Variants in UBR4 observed in about 807,000 individuals in gnomAD.
UBR4 encodes ubiquitin protein ligase E3 component n-recognin 4.
In UBR4, 124 loss-of-function variants were observed where a neutral mutation model predicts 575.6. That is an observed-to-expected ratio of 0.22 (90% confidence interval 0.19 to 0.25). UBR4 has a LOEUF of 0.25. Among genes scored for constraint, UBR4 ranks in the 10% least tolerant of loss-of-function variants. The probability of loss-of-function intolerance (pLI) is 1.00; values close to 1 mark genes in which losing one functional copy is unlikely to be tolerated. For missense variants in UBR4, 4,818 were observed against 6,478.8 expected (o/e 0.74, Z 8.80); for synonymous variants, 2,455 against 2,473.7 (o/e 0.99, Z 0.22).
Position 19,122,847 on chromosome 1 carries a change from T to C in UBR4, c.9802A>G (p.Thr3268Ala). Residue 3268 changes from threonine to alanine, a missense_variant, in exon 66 of 106, where the codon ACA (threonine) becomes GCA (alanine). By Grantham distance (58) the Thr-to-Ala change is moderately conservative. This residue lies in a region of UBR4 where 550 missense variants were observed against 791.5 expected (regional missense o/e 0.69). Coordinates refer to ENST00000375254, the MANE Select transcript of UBR4 (RefSeq NM_020765.3). ...AGCCCTCGTACCAGGCTGATGAGTGTGTCATATTGCAAGGCGGAGCCTGAG... is the reference window on the plus strand; with the variant it reads ...AGCCCTCGTACCAGGCTGATGAGTGCGTCATATTGCAAGGCGGAGCCTGAG... ...ASSGSALQYD[T>A]LISLMEHLKA... 6.2e-7 allele frequency: 1 copy of C among 1,614,190 alleles called. No individual in the cohort carries two copies. Among genetic ancestry groups the C allele is most frequent in the Non-Finnish European group, 8.5e-7 (1 of 1,180,028 alleles).
chr1:19,198,404 A>T (rs1261076112), intron 5 of UBR4, 137 bp downstream of exon 5: 1 of 1,233,274 alleles, frequency 8.1e-7, no homozygotes, highest in East Asian at 2.5e-5. Flanking sequence ...TTTATTTTGT[A>T]TTCCTCAATT....
chr1:19,144,666 A>T (rs2084596458), intron 54 of UBR4, 120 bp downstream of exon 54: 3 of 1,393,112 alleles, frequency 2.2e-6, no homozygotes, highest in Middle Eastern at 1.9e-4. Flanking sequence ...TGATATTTGA[A>T]ACTTCATTCC....
At chr1:19,184,301 G>C in intron 15 of UBR4, 126 bp from the exon 16 acceptor site, 1 of 1,060,864 alleles carries the variant, frequency 9.4e-7, no homozygotes, top group Non-Finnish European at 1.3e-6. Context: ...ATGAATGAAA[G>C]AATCAGATTT....
chr1:19,119,529 G>T (rs199868472), intron 70 of UBR4, 28 bp downstream of exon 70: 1 of 1,599,068 alleles, frequency 6.3e-7, no homozygotes, highest in Non-Finnish European at 8.6e-7. Context: ...TGGCAAGTTG[G>T]CCCCTCTGAC....
At position 19,201,788 on chromosome 1, in the gene UBR4, C is replaced by T. The variant is rs764942887; in HGVS notation, c.204G>A (p.Lys68=). Residue 68 remains lysine (K), a synonymous_variant, in exon 2 of 106, where the codon AAG becomes AAA. Transcript: ENST00000375254. The part of the protein sequence containing the change: ...ESESEILHHE[K]QYEPFYSSFV... ...AAGATGAGTAGAATGGCTCGTACTG[C>T]TTCTCATGGTGCAGGATTTCTGATT... 2.5e-6 allele frequency: 4 copies of T among 1,614,076 alleles called. No individual in the cohort carries two copies. The South Asian group carries it at 4.4e-5, about 18-fold the overall frequency.
chr1:19,146,243 T>C, intron 52 of UBR4: 1 of 585,338 alleles, frequency 1.7e-6, no homozygotes, highest in Non-Finnish European at 2.7e-6. Flanking sequence ...ATCTGAACAT[T>C]CTAGAGATCT....
intron 61 of UBR4, 22 bp from the exon 62 acceptor site, chr1:19,128,340 C>T (rs148298756): frequency 1.9e-6 from 3 of 1,604,706 alleles, no homozygotes; most frequent in South Asian, 1.1e-5. Flanking sequence ...AGACAGAAAA[C>T]ACAAAACCCA....
chr1:19,159,722 G>A (rs566652468), intron 39 of UBR4, among the ~76,000 whole-genome samples: 17 of 151,582 alleles, frequency 1.1e-4, no homozygotes, highest in Admixed American at 8.6e-4. Flanking sequence ...TTAGCCTTCC[G>A]AGTAGCTGGG....
intron 17 of UBR4, among the ~76,000 whole-genome samples, chr1:19,182,694 T>C (rs2091115676): frequency 2.0e-5 from 3 of 152,288 alleles, no homozygotes; most frequent in Admixed American, 1.3e-4. Context: ...ATTGTGGTTT[T>C]GAGTCACAAA....
chr1:19,091,018 C>T (rs2077456811), intron 97 of UBR4, among the ~76,000 whole-genome samples: 1 of 151,820 alleles, frequency 6.6e-6, no homozygotes, highest in African/African-American at 2.4e-5. Context: ...ATCGCTTGAA[C>T]CCGGGAGGCA....
At chr1:19,187,870 C>G (rs886420976) in intron 11 of UBR4, among the ~76,000 whole-genome samples, 2 of 151,928 alleles carry the variant, frequency 1.3e-5, no homozygotes, top group African/African-American at 4.8e-5. Flanking sequence ...TTTAGACCAG[C>G]TTGGCAACCT....
chr1:19,102,483 G>A lies in UBR4; in HGVS notation c.12902-842C>T, dbSNP rs1237463685. On this transcript the variant is annotated intron_variant, in intron 87 of 105. Transcript: ENST00000375254. ...GTATGGCACGATGAAAATGGCATCA[G>A]AAAGAGTTCCATTTTGGGCAATAAG... Among the ~76,000 whole-genome samples the A allele has an allele frequency of 7.6e-3, 1,151 of 152,238 alleles. 24 individuals carry two copies. Among genetic ancestry groups the A allele is most frequent in the African/African-American group, 0.027 (1,110 of 41,532 alleles).
Position 19,117,720 on chromosome 1 carries a change from C to A in UBR4, c.10629+103G>T, listed in dbSNP as rs1210378042. The A allele has an allele frequency of 1.7e-6, 2 of 1,186,966 alleles. No homozygotes were observed. Among genetic ancestry groups the A allele is most frequent in the Middle Eastern group, 1.9e-4 (1 of 5,170 alleles). 73.5% of individuals were successfully genotyped at this position (1,186,966 alleles called of 1,614,324 possible). A position where few individuals can be genotyped will look rare whatever the true frequency, so the allele number is the denominator to read the frequency against. On this transcript the variant is annotated intron_variant, in intron 72 of 105. Coordinates refer to ENST00000375254, the MANE Select transcript of UBR4 (RefSeq NM_020765.3). The surrounding 1 kb of genome is among the most constrained non-coding windows in gnomAD (Gnocchi z 4.0). ...AAAAATTCCTACTATCGGTGACCAA[C>A]CATTAGGAGAGGAACATCTATGTGA...
intron 91 of UBR4, 69 bp downstream of exon 91, chr1:19,097,124 C>T: frequency 1.5e-6 from 2 of 1,362,762 alleles, no homozygotes; most frequent in Non-Finnish European, 1.0e-6. Flanking sequence ...GAGAATGCCC[C>T]TAAGTCCTGG....
chr1:19,203,922 C>T (rs1163346588), intron 1 of UBR4, among the ~76,000 whole-genome samples: 1 of 152,162 alleles, frequency 6.6e-6, no homozygotes, highest in Non-Finnish European at 1.5e-5. Flanking sequence ...TTTTAAGGCT[C>T]ACATGTACAG....
At chr1:19,124,354 T>C in intron 65 of UBR4, 187 bp downstream of exon 65, 1 of 702,840 alleles carries the variant, frequency 1.4e-6, no homozygotes. Flanking sequence ...GTATGGCTTG[T>C]TTGATACACA....
chr1:19,104,852 T>C lies in UBR4; in HGVS notation c.12646-186A>G, dbSNP rs1570519653. The C allele has an allele frequency of 2.7e-6, 3 of 1,116,082 alleles. No homozygotes were observed. The Admixed American group carries it at 7.7e-5, about 29-fold the overall frequency. 69.1% of individuals were successfully genotyped at this position (1,116,082 alleles called of 1,614,324 possible). On this transcript the variant is annotated intron_variant, in intron 85 of 105. Coordinates refer to ENST00000375254, the MANE Select transcript of UBR4 (RefSeq NM_020765.3). ...CTGGTAAGGGATTGCTTAAAAACTGTAAACAGTCCAAATGCTCCCAAGAGT... is the reference window on the plus strand; with the variant it reads ...CTGGTAAGGGATTGCTTAAAAACTGCAAACAGTCCAAATGCTCCCAAGAGT...
At chr1:19,076,215 G>A (rs761531785) in intron 105 of UBR4, among the ~76,000 whole-genome samples, 17 of 152,218 alleles carry the variant, frequency 1.1e-4, no homozygotes, top group Non-Finnish European at 2.2e-4. Flanking sequence ...GGAATTGTCT[G>A]ACCACGTCTC....
intron 90 of UBR4, among the ~76,000 whole-genome samples, chr1:19,097,528 T>C (rs2148980804): frequency 6.6e-6 from 1 of 152,336 alleles, no homozygotes; most frequent in Non-Finnish European, 1.5e-5. Flanking sequence ...CTCCTTCAAT[T>C]TCATTAGAAC....
Sources: gnomAD v4.1 joint callset for allele counts (sites outside exome capture counted in the v4.1 genomes callset) on GRCh38, gnomAD v4.1.1 for gene constraint, gnomAD v4.1.1 regional missense constraint, Gnocchi (gnomAD v3.1) non-coding constraint, MANE v1.5 for transcripts, NCBI Gene and HGNC (gene_info 2026-07-23, HGNC 2026-07-21) for gene names.